Variants in PTPRT observed in about 807,000 individuals in gnomAD.
PTPRT encodes receptor-type tyrosine-protein phosphatase T.
PTPRT carries 56 observed loss-of-function variants against 176.8 expected under a neutral mutation model. The ratio of observed to expected loss-of-function variants is 0.32; its 90% CI spans 0.26 to 0.40. The LOEUF is 0.40. Among genes scored for constraint, PTPRT ranks in the 10% least tolerant of loss-of-function variants. The pLI is 1.00. For missense variants in PTPRT, 1,540 were observed against 1,908.2 expected (o/e 0.81, Z 3.60); for synonymous variants, 783 against 739.0 (o/e 1.06, Z -0.96).
intron 2 of PTPRT, among the ~76,000 whole-genome samples, chr20:42,882,811 C>T (rs2079029043): frequency 6.6e-6 from 1 of 152,182 alleles, no homozygotes; most frequent in African/African-American, 2.4e-5. Context: ...ATGCGTGCTA[C>T]TAAGGACAAG....
At chr20:42,034,864 G>T in the PTPRT span, among the ~76,000 whole-genome samples, 1 of 152,126 alleles carries the variant, frequency 6.6e-6, no homozygotes. Context: ...AATGTAATGA[G>T]GTTCAATGTG....
intron 1 of PTPRT, among the ~76,000 whole-genome samples, chr20:43,083,347 T>C (rs55724459): frequency 0.026 from 2,565 of 97,246 alleles, 222 homozygotes; most frequent in South Asian, 0.035. Flanking sequence ...TATATATATA[T>C]ATATATATAT....
intron 1 of PTPRT, among the ~76,000 whole-genome samples, chr20:42,894,227 C>T (rs916254572): frequency 1.2e-4 from 19 of 152,074 alleles, no homozygotes; most frequent in African/African-American, 3.6e-4. Context: ...AGAGTATTTG[C>T]GAGAGGACCA....
chr20:43,188,759 G>GGA (rs1555845672), intron 1 of PTPRT, among the ~76,000 whole-genome samples: 1 of 149,008 alleles, frequency 6.7e-6, no homozygotes, highest in Non-Finnish European at 1.5e-5. Context: ...TGGGGGGGGG[G>GGA]GGGCTCGGGG....
At chr20:42,129,743 C>G (rs1487345121) in intron 18 of PTPRT, among the ~76,000 whole-genome samples, 1 of 152,162 alleles carries the variant, frequency 6.6e-6, no homozygotes, top group Non-Finnish European at 1.5e-5. Context: ...CAAGGGTTTT[C>G]TGGGAGTCAC....
At chr20:43,076,312 C>A (rs2011275516) in intron 1 of PTPRT, among the ~76,000 whole-genome samples, 1 of 152,054 alleles carries the variant, frequency 6.6e-6, no homozygotes, top group Non-Finnish European at 1.5e-5. Context: ...TCATCTGGAA[C>A]ACGGTAAGTC....
At chr20:42,634,008 TATAATATATATATAATA>T (rs2074508720) in intron 7 of PTPRT, among the ~76,000 whole-genome samples, 1 of 13,704 alleles carries the variant, frequency 7.3e-5, no homozygotes, top group Non-Finnish European at 1.0e-4. Context: ...ATTATATATA[TATAATATATATATAATA>T]TATATATTAT....
At chr20:42,555,702 G>T (rs1249015012) in intron 7 of PTPRT, among the ~76,000 whole-genome samples, 1 of 152,134 alleles carries the variant, frequency 6.6e-6, no homozygotes, top group Non-Finnish European at 1.5e-5. Context: ...TTGACAAATG[G>T]AATATGAGCA....
At chr20:42,675,896 G>A (rs935207203) in intron 7 of PTPRT, among the ~76,000 whole-genome samples, 3 of 152,180 alleles carry the variant, frequency 2.0e-5, no homozygotes, top group Non-Finnish European at 2.9e-5. Flanking sequence ...TTTTAAAAAT[G>A]TTTCCTCCAG....
At chr20:42,972,250 ACAAT>A (rs1982689269) in intron 1 of PTPRT, among the ~76,000 whole-genome samples, 1 of 150,276 alleles carries the variant, frequency 6.7e-6, no homozygotes, top group African/African-American at 2.4e-5. Flanking sequence ...CAAGTAGTGC[ACAAT>A]CAATTTGTTT....
intron 19 of PTPRT, among the ~76,000 whole-genome samples, chr20:42,128,029 ACT>A (rs1296681346): frequency 1.3e-5 from 2 of 152,102 alleles, no homozygotes; most frequent in African/African-American, 4.8e-5. Context: ...TTTAATCTTC[ACT>A]GATGTAGTCC....
intron 13 of PTPRT, among the ~76,000 whole-genome samples, chr20:42,276,500 T>TAC (rs2057033427): frequency 3.2e-3 from 9 of 2,830 alleles, no homozygotes; most frequent in African/African-American, 0.021. Flanking sequence ...GAAGGAAATA[T>TAC]ATATATATAT....
At chr20:42,125,881 C>G (rs1337008636) in intron 19 of PTPRT, among the ~76,000 whole-genome samples, 1 of 152,056 alleles carries the variant, frequency 6.6e-6, no homozygotes, top group East Asian at 1.9e-4. Context: ...GCATGCCAGA[C>G]CCTGTGTGGC....
At chr20:42,224,502 T>C (rs2040819199) in intron 15 of PTPRT, among the ~76,000 whole-genome samples, 2 of 152,214 alleles carry the variant, frequency 1.3e-5, no homozygotes, top group South Asian at 2.1e-4. Context: ...TATCTGATGA[T>C]TGTATGGGAC....
At chr20:42,048,580 C>T in the PTPRT span, among the ~76,000 whole-genome samples, 6 of 152,110 alleles carry the variant, frequency 3.9e-5, no homozygotes, top group Non-Finnish European at 8.8e-5. Flanking sequence ...GTGTTCCGGC[C>T]CACTGTCCCC....
At chr20:42,820,162 T>C (rs1008625275) in intron 2 of PTPRT, among the ~76,000 whole-genome samples, 1 of 152,092 alleles carries the variant, frequency 6.6e-6, no homozygotes, top group Admixed American at 6.6e-5. Context: ...AACCAAATAA[T>C]TGGAAGTAAA....
intron 9 of PTPRT, among the ~76,000 whole-genome samples, chr20:42,401,643 C>G (rs1249192832): frequency 6.6e-6 from 1 of 152,140 alleles, no homozygotes; most frequent in Non-Finnish European, 1.5e-5. Flanking sequence ...TGAACTTAGA[C>G]ATTGTTCTCT....
intron 9 of PTPRT, among the ~76,000 whole-genome samples, chr20:42,365,887 A>G (rs929937311): frequency 1.1e-4 from 17 of 152,218 alleles, no homozygotes; most frequent in African/African-American, 3.9e-4. Flanking sequence ...GAAAGCATCC[A>G]GTGGTGCTGA....
intron 13 of PTPRT, among the ~76,000 whole-genome samples, chr20:42,257,480 C>A (rs1400966784): frequency 6.6e-6 from 1 of 152,078 alleles, no homozygotes; most frequent in Admixed American, 6.5e-5. Context: ...TGCACCCAAA[C>A]CTCATGTCAA....
Sources: allele counts gnomAD v4.1 joint callset (sites outside exome capture counted in the v4.1 genomes callset), GRCh38; gene constraint gnomAD v4.1.1; transcripts MANE v1.5; gene names NCBI Gene and HGNC (gene_info 2026-07-23, HGNC 2026-07-21).